Variants in PDE10A observed in about 807,000 individuals in gnomAD.
The protein encoded by PDE10A is cAMP and cAMP-inhibited cGMP 3',5'-cyclic phosphodiesterase 10A.
A neutral mutation model predicts 97.7 loss-of-function variants in PDE10A; 39 were observed. The observed-to-expected ratio is 0.40, with a 90% CI of 0.31 to 0.52. The LOEUF (loss-of-function observed/expected upper bound fraction) is 0.52, where lower values mean the gene tolerates loss of function less well. PDE10A is among the 20% of genes least tolerant of loss of function. The probability of loss-of-function intolerance (pLI) is 0.56; values close to 1 mark genes in which losing one functional copy is unlikely to be tolerated. For synonymous variants in PDE10A, 371 were observed against 376.8 expected, an observed-to-expected ratio of 0.98 and a Z score of 0.18; for missense variants, 731 against 1,047.8, an observed-to-expected ratio of 0.70 and a Z score of 4.17.
chr6:165,476,469 T>C (rs572395228), intron 3 of PDE10A, among the ~76,000 whole-genome samples: 1 of 152,114 alleles, frequency 6.6e-6, no homozygotes, highest in African/African-American at 2.4e-5. Context: ...ACAAAGAGAA[T>C]AAATCTGAGA....
intron 1 of PDE10A, among the ~76,000 whole-genome samples, chr6:165,810,993 A>C (rs1389672520): frequency 2.0e-5 from 3 of 152,212 alleles, no homozygotes; most frequent in Non-Finnish European, 4.4e-5. Context: ...TGGGAGGCCC[A>C]GGCTGGCAGA....
intron 1 of PDE10A, among the ~76,000 whole-genome samples, chr6:165,861,847 G>A (rs1188371535): frequency 6.6e-6 from 1 of 152,174 alleles, no homozygotes; most frequent in African/African-American, 2.4e-5. Flanking sequence ...TCCATAGGCA[G>A]ACAAAAATCA....
rs1784220247 is a variant in PDE10A at position 165,958,519 on chromosome 6, AAG to A, written c.-615+29008_-615+29009del. 6.0e-4 allele frequency among the ~76,000 whole-genome samples: 8 copies of A among 13,326 alleles called. 1 individual carries two copies. In the Admixed American group the frequency reaches 9.0e-3, roughly 15 times the overall value. 8.7% of individuals were successfully genotyped at this position (13,326 alleles called of 152,430 possible). On this transcript the variant is annotated intron_variant, in intron 1 of 19. Coordinates refer to the PDE10A transcript ENST00000366882. The stretch of plus-strand genomic sequence containing the variant: ...AAGACAAGAAAGAAAGAAAGAAAGA[AAG>A]AAAGAAAGAAAGAAAGAAAGAAAGA...
At chr6:165,551,817 G>C (rs943565636) in intron 1 of PDE10A, among the ~76,000 whole-genome samples, 1 of 152,162 alleles carries the variant, frequency 6.6e-6, no homozygotes, top group Non-Finnish European at 1.5e-5. Flanking sequence ...TTGATAAAGA[G>C]GTGGAAAGAA....
intron 18 of PDE10A, among the ~76,000 whole-genome samples, chr6:165,359,164 T>C (rs1321306339): frequency 1.3e-5 from 2 of 152,076 alleles, no homozygotes; most frequent in Non-Finnish European, 2.9e-5. Context: ...GAAGAAACAG[T>C]ATTCTGTTAA....
rs375489516 is a variant in PDE10A, at chr6:165,870,073, A to G, written c.-615+117456T>C. ...TATGACAAAGACTTCAAAACCACAG[A>G]TAACAACAACAAAATAGACAAACAG... On this transcript the variant is annotated intron_variant, in intron 1 of 19. Coordinates refer to the PDE10A transcript ENST00000366882. Among the ~76,000 whole-genome samples, 6 of 152,300 alleles carry G rather than the reference A, an allele frequency of 3.9e-5. No individual in the cohort carries two copies. The South Asian group carries it at 1.2e-3, about 32-fold the overall frequency.
intron 1 of PDE10A, among the ~76,000 whole-genome samples, chr6:165,556,104 T>G (rs927454378): frequency 6.6e-6 from 1 of 152,234 alleles, no homozygotes; most frequent in Non-Finnish European, 1.5e-5. Context: ...AAACTTATGT[T>G]ATTGATAAGG....
intron 1 of PDE10A, among the ~76,000 whole-genome samples, chr6:165,558,919 T>C (rs769449074): frequency 2.0e-5 from 3 of 152,052 alleles, no homozygotes; most frequent in Non-Finnish European, 2.9e-5. Context: ...ACCTGCACGT[T>C]GTGCACATGT....
At chr6:165,517,748 G>A (rs1371999259) in intron 2 of PDE10A, among the ~76,000 whole-genome samples, 4 of 152,084 alleles carry the variant, frequency 2.6e-5, no homozygotes, top group Admixed American at 6.5e-5. Flanking sequence ...TATAAAGGAC[G>A]GCACAAAAAA....
At chr6:165,849,557 A>G (rs1197114282) in intron 1 of PDE10A, among the ~76,000 whole-genome samples, 1 of 152,184 alleles carries the variant, frequency 6.6e-6, no homozygotes, top group African/African-American at 2.4e-5. Flanking sequence ...TCCAATTTTG[A>G]GAAAAACGCA....
chr6:165,407,422 T>C (rs1447745363), intron 13 of PDE10A, among the ~76,000 whole-genome samples: 2 of 152,004 alleles, frequency 1.3e-5, no homozygotes, highest in Non-Finnish European at 2.9e-5. Context: ...ATAACCACAC[T>C]CATGGTATTG....
chr6:165,479,467 C>A (rs954864868), intron 3 of PDE10A, among the ~76,000 whole-genome samples: 1 of 152,170 alleles, frequency 6.6e-6, no homozygotes, highest in Non-Finnish European at 1.5e-5. Context: ...CCTTCAGATT[C>A]CCGCTCAAAT....
intron 1 of PDE10A, among the ~76,000 whole-genome samples, chr6:165,825,865 G>A (rs977872279): frequency 7.2e-5 from 11 of 152,024 alleles, no homozygotes; most frequent in African/African-American, 1.7e-4. Context: ...CTCCTTACCC[G>A]GCTTCACCAT....
intron 1 of PDE10A, among the ~76,000 whole-genome samples, chr6:165,617,786 G>A (rs1164968730): frequency 6.6e-6 from 1 of 152,142 alleles, no homozygotes; most frequent in Non-Finnish European, 1.5e-5. Flanking sequence ...TCAATCATAA[G>A]AGCAGGGTAA....
chr6:165,952,136 G>A (rs1171659318), intron 1 of PDE10A, among the ~76,000 whole-genome samples: 1 of 152,210 alleles, frequency 6.6e-6, no homozygotes, highest in Non-Finnish European at 1.5e-5. Context: ...TACGTGCCCA[G>A]CTAGGGTTCA....
At chr6:165,932,196 A>C (rs1032218783) in intron 1 of PDE10A, among the ~76,000 whole-genome samples, 1 of 152,222 alleles carries the variant, frequency 6.6e-6, no homozygotes, top group Non-Finnish European at 1.5e-5. Flanking sequence ...GACTCATGAG[A>C]AATACCAGTC....
In PDE10A at chr6:165,339,248, GCAATTA is replaced by G. The variant is rs1781832105; in HGVS notation, c.2976+24_2976+29del. ...GCCCACCTTAAACTATTTGGCTTTA[GCAATTA>G]CAATTTACTTTAATAATTCATACCT... On this transcript the variant is annotated intron_variant, in intron 20 of 21. Transcript: ENST00000539869. 5 of 1,286,150 alleles carry G rather than the reference GCAATTA, an allele frequency of 3.9e-6. No individual in the cohort carries two copies. The African/African-American group carries it at 5.8e-5, about 15-fold the overall frequency. The allele number at this position is 1,286,150 out of a possible 1,614,324, so 79.7% of individuals were successfully genotyped here.
At chr6:165,461,362 G>A (rs1295353340) in intron 3 of PDE10A, among the ~76,000 whole-genome samples, 1 of 152,116 alleles carries the variant, frequency 6.6e-6, no homozygotes, top group East Asian at 1.9e-4. Context: ...CCTGCAGCCT[G>A]CTAAGCGTTT....
chr6:165,922,869 C>G (rs1012995843), intron 1 of PDE10A, among the ~76,000 whole-genome samples: 7 of 152,182 alleles, frequency 4.6e-5, no homozygotes, highest in African/African-American at 1.7e-4. Context: ...GCAAAGAGAG[C>G]CTAAGCCACC....
Sources: allele counts gnomAD v4.1 joint callset (sites outside exome capture counted in the v4.1 genomes callset), GRCh38; gene constraint gnomAD v4.1.1; transcripts MANE v1.5; gene names NCBI Gene and HGNC (gene_info 2026-07-23, HGNC 2026-07-21).